Variants in RTL4 observed in about 807,000 individuals in gnomAD.
The protein encoded by RTL4 is retrotransposon Gag-like protein 4.
Under a neutral mutation model 5.3 loss-of-function variants are expected in RTL4, and 4 were observed. The observed-to-expected ratio is 0.75, with a 90% confidence interval of 0.37 to 1.72. The LOEUF (loss-of-function observed/expected upper bound fraction) is 1.72, where lower values mean the gene tolerates loss of function less well. Among genes scored for constraint, RTL4 ranks in the 40% most tolerant of loss-of-function variants. RTL4 has a pLI of 0.04. For missense variants in RTL4, 260 were observed against 227.1 expected (o/e 1.14, Z -0.93); for synonymous variants, 98 against 87.3 (o/e 1.12, Z -0.68).
At chrX:112,314,440 A>C in the RTL4 span, among the ~76,000 whole-genome samples, 1 of 108,616 alleles carries the variant, frequency 9.2e-6, no homozygotes, top group Admixed American at 1.0e-4. Context: ...GAGGTGCTGC[A>C]CCTATATAAT....
chrX:112,108,333 T>C, the RTL4 span, among the ~76,000 whole-genome samples: 4 of 112,193 alleles, frequency 3.6e-5, no homozygotes, highest in Non-Finnish European at 7.5e-5. Flanking sequence ...ACTGATGTTT[T>C]ATATTTTCTC....
chrX:112,435,582 T>G, the RTL4 span, among the ~76,000 whole-genome samples: 2 of 111,541 alleles, frequency 1.8e-5, no homozygotes, highest in African/African-American at 3.3e-5. Context: ...CTCCAAGTAA[T>G]TGGATTCCCT....
At chrX:112,235,666 TG>T in the RTL4 span, among the ~76,000 whole-genome samples, 4 of 111,899 alleles carry the variant, frequency 3.6e-5, no homozygotes, top group South Asian at 3.7e-4. Flanking sequence ...CTAATAAAAA[TG>T]CTCCACCAAT....
the RTL4 span, among the ~76,000 whole-genome samples, chrX:112,230,712 C>A: frequency 8.9e-6 from 1 of 111,944 alleles, no homozygotes; most frequent in African/African-American, 3.3e-5. Flanking sequence ...GCAATAAAAG[C>A]CAAAATTGAC....
At chrX:112,123,094 A>G in the RTL4 span, among the ~76,000 whole-genome samples, 7 of 111,659 alleles carry the variant, frequency 6.3e-5, no homozygotes, top group Non-Finnish European at 1.1e-4. Flanking sequence ...TTAAAAACCC[A>G]ATATATTCCC....
chrX:112,182,555 G>A, the RTL4 span, among the ~76,000 whole-genome samples: 5 of 111,836 alleles, frequency 4.5e-5, no homozygotes, highest in Non-Finnish European at 7.5e-5. Flanking sequence ...TCAAGTGGAA[G>A]AAATGATATC....
chrX:112,318,207 C>T, the RTL4 span, among the ~76,000 whole-genome samples: 1 of 111,671 alleles, frequency 9.0e-6, no homozygotes, highest in African/African-American at 3.3e-5. Flanking sequence ...TCTTGTATCT[C>T]AGAAACATGG....
chrX:112,328,073 C>G, the RTL4 span, among the ~76,000 whole-genome samples: 1 of 108,664 alleles, frequency 9.2e-6, no homozygotes, highest in African/African-American at 3.4e-5. Context: ...TAAAGACCAT[C>G]GAGACTAGGA....
At chrX:112,194,896 C>T in the RTL4 span, among the ~76,000 whole-genome samples, 1 of 111,940 alleles carries the variant, frequency 8.9e-6, no homozygotes. Context: ...GGAAAGAGAG[C>T]TTAATGGAGC....
At chrX:112,227,757 A>T in the RTL4 span, among the ~76,000 whole-genome samples, 1 of 111,762 alleles carries the variant, frequency 8.9e-6, no homozygotes, top group Non-Finnish European at 1.9e-5. Flanking sequence ...AATTGTGCCC[A>T]GGGTGGGTGA....
At chrX:112,116,384 G>A in the RTL4 span, among the ~76,000 whole-genome samples, 1 of 110,902 alleles carries the variant, frequency 9.0e-6, no homozygotes, top group Non-Finnish European at 1.9e-5. Context: ...GACCCAAAGG[G>A]TGAGCAGCAG....
the RTL4 span, among the ~76,000 whole-genome samples, chrX:112,167,741 T>A: frequency 9.1e-6 from 1 of 109,513 alleles, no homozygotes; most frequent in Non-Finnish European, 1.9e-5. Context: ...TATTGAAATG[T>A]CCAAGGTCAT....
chrX:112,158,790 A>G, the RTL4 span, among the ~76,000 whole-genome samples: 1 of 111,552 alleles, frequency 9.0e-6, no homozygotes, highest in African/African-American at 3.3e-5. Flanking sequence ...CCTCTGGCTA[A>G]ATATTTGTAT....
chrX:112,238,342 T>C, the RTL4 span, among the ~76,000 whole-genome samples: 1 of 112,312 alleles, frequency 8.9e-6, no homozygotes, highest in Admixed American at 9.5e-5. Context: ...TCATTCTACA[T>C]CTTACTTTTT....
At chrX:112,216,534 T>A in the RTL4 span, among the ~76,000 whole-genome samples, 1 of 111,741 alleles carries the variant, frequency 8.9e-6, no homozygotes, top group Non-Finnish European at 1.9e-5. Context: ...ACTAATAGTT[T>A]GTCCATGAAT....
At chrX:112,283,748 C>A in the RTL4 span, among the ~76,000 whole-genome samples, 3 of 110,435 alleles carry the variant, frequency 2.7e-5, no homozygotes, top group Admixed American at 2.9e-4. Context: ...TTTACTATGC[C>A]TTCCCTATGC....
chrX:112,345,249 G>C, the RTL4 span, among the ~76,000 whole-genome samples: 1 of 111,214 alleles, frequency 9.0e-6, no homozygotes, highest in Non-Finnish European at 1.9e-5. Context: ...TCAGCAAGGA[G>C]AGCTTCTCTG....
chrX:112,205,980 G>A, the RTL4 span, among the ~76,000 whole-genome samples: 131 of 111,977 alleles, frequency 1.2e-3, no homozygotes, highest in African/African-American at 4.1e-3. Context: ...CTGCTGAAAC[G>A]ATTTAAATGT....
At chrX:112,183,236 T>G in the RTL4 span, among the ~76,000 whole-genome samples, 1 of 112,083 alleles carries the variant, frequency 8.9e-6, no homozygotes, top group Non-Finnish European at 1.9e-5. Flanking sequence ...CCATTGACAC[T>G]ATGAAGAAAC....
Sources: gnomAD v4.1 joint callset for allele counts (sites outside exome capture counted in the v4.1 genomes callset) on GRCh38, gnomAD v4.1.1 for gene constraint, MANE v1.5 for transcripts, NCBI Gene and HGNC (gene_info 2026-07-23, HGNC 2026-07-21) for gene names.